The following DENND11 variants were observed in gnomAD, a reference collection of about 807,000 sequenced individuals.
DENND11 encodes DENN domain-containing protein 11.
In DENND11, 34 loss-of-function variants were observed where a neutral mutation model predicts 49.2. The ratio of observed to expected loss-of-function variants is 0.69; its 90% CI spans 0.53 to 0.92. The LOEUF (loss-of-function observed/expected upper bound fraction) is 0.92, where lower values mean the gene tolerates loss of function less well. Among genes scored for constraint, DENND11 ranks in the 40% least tolerant of loss-of-function variants. The pLI is 0.00. For synonymous variants in DENND11, 238 were observed against 230.3 expected (o/e 1.03, Z -0.30); for missense variants, 475 against 581.6 (o/e 0.82, Z 1.88).
At chr7:141,691,451 TGACCTAGAA>T (rs1203471847) in intron 1 of DENND11, among the ~76,000 whole-genome samples, 1 of 152,246 alleles carries the variant, frequency 6.6e-6, no homozygotes, top group African/African-American at 2.4e-5. Context: ...TTAGTACAGC[TGACCTAGAA>T]GATAAAGTCC....
chr7:141,701,392 CGAGCGGG>C (rs1242623288), intron 1 of DENND11, among the ~76,000 whole-genome samples: 7 of 50,818 alleles, frequency 1.4e-4, no homozygotes, highest in South Asian at 6.7e-4. Context: ...GGGTGGGGGG[CGAGCGGG>C]GAGCGGGGGA....
intron 7 of DENND11, 93 bp from the exon 8 acceptor site, chr7:141,664,333 C>G: frequency 3.2e-6 from 3 of 932,776 alleles, no homozygotes; most frequent in Non-Finnish European, 3.4e-6. Flanking sequence ...GGGCCACCAC[C>G]TCCCAGGAAG....
At chr7:141,684,359 A>G (rs1798196671) in intron 3 of DENND11, among the ~76,000 whole-genome samples, 2 of 152,228 alleles carry the variant, frequency 1.3e-5, no homozygotes, top group African/African-American at 4.8e-5. Flanking sequence ...ACTGTGAAAA[A>G]ACATTTACTT....
chr7:141,668,720 C>G (rs1320295420), intron 4 of DENND11, among the ~76,000 whole-genome samples: 2 of 152,252 alleles, frequency 1.3e-5, no homozygotes, highest in Non-Finnish European at 2.9e-5. Flanking sequence ...CAGGCCCATG[C>G]CAGGGAAGCA....
At chr7:141,666,242 G>A (rs1387999709) in intron 5 of DENND11, 45 bp downstream of exon 5, 1 of 1,536,218 alleles carries the variant, frequency 6.5e-7, no homozygotes, top group South Asian at 1.3e-5. Flanking sequence ...AGCAGTTTCT[G>A]CTCCAGGGAT....
chr7:141,692,506 A>G (rs2117079481), intron 1 of DENND11, among the ~76,000 whole-genome samples: 1 of 152,310 alleles, frequency 6.6e-6, no homozygotes, highest in South Asian at 2.1e-4. Context: ...TGCCAAAGGA[A>G]CAAAGGCAAT....
chr7:141,685,619 G>T lies in DENND11; in HGVS notation c.386C>A (p.Pro129His). The change falls in exon 3 of 9, where the codon CCC becomes CAC. Residue 129 changes from proline to histidine, a missense_variant. Coordinates refer to ENST00000536163, the MANE Select transcript of DENND11 (RefSeq NM_001080392.2). ...GGCAAAGCAGGCCAGGCCGAAGAAGGGCCCCTTTCGGAAATAGCTAGAAGA... is the reference window on the plus strand; with the variant it reads ...GGCAAAGCAGGCCAGGCCGAAGAAGTGCCCCTTTCGGAAATAGCTAGAAGA... ...QSDFIYFRKG[P>H]FFGLACFANM... The T allele has an allele frequency of 1.9e-6, 3 of 1,613,964 alleles. No homozygotes were observed. The highest frequency in any genetic ancestry group is 2.5e-6 in the Non-Finnish European group (3 of 1,179,896).
At chr7:141,695,422 A>AG (rs59346676) in intron 1 of DENND11, among the ~76,000 whole-genome samples, 68,594 of 151,752 alleles carry the variant, frequency 0.45, 16,622 homozygotes, top group East Asian at 0.74. Context: ...AATGCACCAC[A>AG]CTAATAGGGA....
At position 141,658,204 on chromosome 7, in the gene DENND11, A is replaced by T. The variant is rs1179192108; in HGVS notation, c.*4452T>A. 6.6e-6 allele frequency: 1 copy of T among 152,218 alleles called. No homozygotes were observed. The highest frequency in any genetic ancestry group is 2.1e-4 in the South Asian group (1 of 4,824). 9.4% of individuals were successfully genotyped at this position (152,218 alleles called of 1,614,324 possible). The stretch of plus-strand genomic sequence containing the variant: ...CAGTTCATCACATAGTAATATCAAT[A>T]AAAAAATAAACTTCCATTTCTTATA... On this transcript the variant is annotated 3_prime_UTR_variant, in exon 9 of 9. Transcript: ENST00000536163.
At chr7:141,679,366 A>G (rs1302433901) in intron 3 of DENND11, among the ~76,000 whole-genome samples, 2 of 152,240 alleles carry the variant, frequency 1.3e-5, no homozygotes, top group South Asian at 2.1e-4. Context: ...AATATTTTCA[A>G]TTTATACAAA....
At position 141,666,211 on chromosome 7, in the gene DENND11, G is replaced by C. The variant is rs1420774968; in HGVS notation, c.820+76C>G. On this transcript the variant is annotated intron_variant, in intron 5 of 8. Coordinates refer to ENST00000536163, the MANE Select transcript of DENND11 (RefSeq NM_001080392.2). ...ATGTGGCCCAAGCTCTTCCAAACTT[G>C]GTCAGTGACAGAAAGACTCAAGCAG... 4.1e-6 allele frequency: 6 copies of C among 1,459,896 alleles called. No homozygotes were observed. The East Asian group carries it at 7.1e-5, about 17-fold the overall frequency. 90.4% of individuals were successfully genotyped at this position (1,459,896 alleles called of 1,614,324 possible).
chr7:141,657,492 CCT>C lies in DENND11; in HGVS notation c.*5162_*5163del, dbSNP rs1317744776. 2 of 152,310 alleles carry C rather than the reference CCT, an allele frequency of 1.3e-5. No individual in the cohort carries two copies. The highest frequency in any genetic ancestry group is 1.9e-4 in the East Asian group (1 of 5,196). 9.4% of individuals were successfully genotyped at this position (152,310 alleles called of 1,614,324 possible). A position where few individuals can be genotyped will look rare whatever the true frequency, so the allele number is the denominator to read the frequency against. On this transcript the variant is annotated 3_prime_UTR_variant, in exon 9 of 9. Coordinates refer to ENST00000536163, the MANE Select transcript of DENND11 (RefSeq NM_001080392.2). ...TATTTGCAACCATCCAACTCAAAGACCTCTGTGTCGACTGTTCACTTTGTGGA... is the reference window on the plus strand; with the variant it reads ...TATTTGCAACCATCCAACTCAAAGACCTGTGTCGACTGTTCACTTTGTGGA...
At position 141,662,559 on chromosome 7, in the gene DENND11, G is replaced by A. The variant is rs1797815241; in HGVS notation, c.*97C>T. ...GAAAGTATAAACAATATTCCTTTGT[G>A]TCAACTTAATAAAAAATGAGGCCCT... On this transcript the variant is annotated 3_prime_UTR_variant, in exon 9 of 9. Transcript: ENST00000536163. 1.3e-6 allele frequency: 1 copy of A among 780,172 alleles called. No individual in the cohort carries two copies. The highest frequency in any genetic ancestry group is 1.9e-6 in the Non-Finnish European group (1 of 526,210). 48.3% of individuals were successfully genotyped at this position (780,172 alleles called of 1,614,324 possible).
chr7:141,679,696 G>C (rs1159489303), intron 3 of DENND11, among the ~76,000 whole-genome samples: 1 of 138,734 alleles, frequency 7.2e-6, no homozygotes, highest in African/African-American at 2.7e-5. Flanking sequence ...TGGGACACAA[G>C]AGCGAAACTT....
intron 1 of DENND11, among the ~76,000 whole-genome samples, chr7:141,691,126 G>A (rs1798321588): frequency 6.6e-6 from 1 of 152,216 alleles, no homozygotes; most frequent in African/African-American, 2.4e-5. Context: ...ACCTTCATGA[G>A]TGAATTCTGG....
At chr7:141,663,899 G>T (rs1797844601) in intron 8 of DENND11, 1 of 420,948 alleles carries the variant, frequency 2.4e-6, no homozygotes, top group Non-Finnish European at 4.3e-6. Flanking sequence ...CTTCCAGGCA[G>T]TGGACATCCT....
chr7:141,668,774 A>G (rs1208036715), intron 4 of DENND11, among the ~76,000 whole-genome samples: 2 of 152,220 alleles, frequency 1.3e-5, no homozygotes, highest in African/African-American at 4.8e-5. Context: ...GGTCAGCTCT[A>G]GAGACTTCTC....
chr7:141,698,494 G>C (rs935229585), intron 1 of DENND11, among the ~76,000 whole-genome samples: 2 of 152,146 alleles, frequency 1.3e-5, no homozygotes, highest in Non-Finnish European at 2.9e-5. Context: ...GATGAGGACT[G>C]AGTGTATGTG....
chr7:141,700,401 A>G (rs1798489427), intron 1 of DENND11, among the ~76,000 whole-genome samples: 1 of 151,148 alleles, frequency 6.6e-6, no homozygotes, highest in Non-Finnish European at 1.5e-5. Context: ...GTCAACCAGC[A>G]TGTGTGATGA....
Sources: gnomAD v4.1 joint callset for allele counts (sites outside exome capture counted in the v4.1 genomes callset) on GRCh38, gnomAD v4.1.1 for gene constraint, MANE v1.5 for transcripts, NCBI Gene and HGNC (gene_info 2026-07-23, HGNC 2026-07-21) for gene names.